The following ZNF823 variants were observed in gnomAD, a reference collection of about 807,000 sequenced individuals.
The protein encoded by ZNF823 is ZFP 36 for a zinc finger protein.
In ZNF823, 5 loss-of-function variants were observed where a neutral mutation model predicts 11.4. The ratio of observed to expected loss-of-function variants is 0.44; its 90% confidence interval spans 0.23 to 0.92. The LOEUF (loss-of-function observed/expected upper bound fraction) is 0.92, where lower values mean the gene tolerates loss of function less well. Among genes scored for constraint, ZNF823 ranks in the 40% least tolerant of loss-of-function variants. ZNF823 has a pLI of 0.24. For missense variants in ZNF823, 582 were observed against 738.5 expected, an observed-to-expected ratio of 0.79 and a Z score of 2.46; for synonymous variants, 234 against 250.5, an observed-to-expected ratio of 0.93 and a Z score of 0.62.
intron 1 of ZNF823, 100 bp from the exon 2 acceptor site, chr19:11,725,427 C>A (rs1348883279): frequency 2.6e-6 from 4 of 1,526,090 alleles, no homozygotes; most frequent in Non-Finnish European, 3.6e-6. Context: ...GGTTTCCAAG[C>A]ATTTATTCGA....
chr19:11,724,561 T>TC (rs1432569212), intron 2 of ZNF823, among the ~76,000 whole-genome samples: 2 of 146,632 alleles, frequency 1.4e-5, no homozygotes, highest in African/African-American at 5.0e-5. Flanking sequence ...TCATCTTTTT[T>TC]TTTTTTTTTT....
At chr19:11,733,157 A>G (rs1242262774) in intron 1 of ZNF823, among the ~76,000 whole-genome samples, 2 of 151,882 alleles carry the variant, frequency 1.3e-5, no homozygotes, top group Non-Finnish European at 2.9e-5. Context: ...TCATGAGGTC[A>G]AGAGATCAAG....
Position 11,737,390 on chromosome 19 carries a change from A to G in ZNF823, c.3+1427T>C, listed in dbSNP as rs553390970. Among the ~76,000 whole-genome samples the G allele has an allele frequency of 3.3e-5, 5 of 152,016 alleles. No homozygotes were observed. In the South Asian group the frequency reaches 1.0e-3, roughly 32 times the overall value. ...GCAATTCTCCTCCCTCAGCCTCCCA[A>G]GTAGCTGGGATTACAGGCATGAGCC... On this transcript the variant is annotated intron_variant, in intron 1 of 3. Transcript: ENST00000341191.
chr19:11,738,201 T>C (rs541541057), intron 1 of ZNF823, among the ~76,000 whole-genome samples: 67 of 152,092 alleles, frequency 4.4e-4, no homozygotes, highest in African/African-American at 1.5e-3. Context: ...CTCTTGAGAG[T>C]TGCTCACGGG....
chr19:11,735,631 C>T (rs898448748), intron 1 of ZNF823, among the ~76,000 whole-genome samples: 3 of 152,118 alleles, frequency 2.0e-5, no homozygotes, highest in African/African-American at 7.2e-5. Flanking sequence ...TCTTCAATGA[C>T]CTCCCTTTGC....
In ZNF823 at chr19:11,725,320, ACT is replaced by A; in HGVS notation, c.9_10del (p.Val4GlyfsTer3). 1.2e-6 allele frequency: 2 copies of A among 1,613,968 alleles called. No homozygotes were observed. Among genetic ancestry groups the A allele is most frequent in the Non-Finnish European group, 1.7e-6 (2 of 1,179,862 alleles). On this transcript the variant is annotated frameshift_variant, in exon 2 of 4. Transcript: ENST00000341191. LOFTEE classifies it high-confidence loss of function. ...GTTCACAGCCACATCTTCAAAGGCC[ACT>A]GAGTCCTGAAACATCCCACATGTGC...
At chr19:11,728,123 C>T (rs1448412087) in intron 1 of ZNF823, among the ~76,000 whole-genome samples, 2 of 152,100 alleles carry the variant, frequency 1.3e-5, no homozygotes, top group Admixed American at 6.6e-5. Flanking sequence ...GTAATCCGCC[C>T]GCCTCGGCCT....
intron 1 of ZNF823, among the ~76,000 whole-genome samples, chr19:11,732,578 CGT>C (rs1398891156): frequency 6.6e-6 from 1 of 151,682 alleles, no homozygotes; most frequent in Non-Finnish European, 1.5e-5. Flanking sequence ...GGATTACAGG[CGT>C]GAGCCACCGC....
At chr19:11,733,482 T>C (rs956577036) in intron 1 of ZNF823, among the ~76,000 whole-genome samples, 2 of 151,826 alleles carry the variant, frequency 1.3e-5, no homozygotes, top group East Asian at 1.9e-4. Flanking sequence ...AGGAGAATCA[T>C]CTGAGGTCAG....
intron 1 of ZNF823, among the ~76,000 whole-genome samples, chr19:11,734,440 T>C (rs1330394737): frequency 6.6e-6 from 1 of 152,170 alleles, no homozygotes; most frequent in Non-Finnish European, 1.5e-5. Flanking sequence ...TGAACAATTC[T>C]GTCTTCACCA....
In ZNF823 at chr19:11,722,658, T is replaced by C. The variant is rs774676818; in HGVS notation, c.876A>G (p.Arg292=). ...GKAFSCYYYT[R]LHERTHTGEQ... ...CTCCCGTGTGAGTCCTTTCATGTAGTCGAGTGTAATAGTAACAGCTGAAGG... is the reference window on the plus strand; with the variant it reads ...CTCCCGTGTGAGTCCTTTCATGTAGCCGAGTGTAATAGTAACAGCTGAAGG... The change falls in exon 4 of 4, where the codon CGA becomes CGG. Residue 292 remains arginine (R), a synonymous_variant. Coordinates refer to ENST00000341191, the MANE Select transcript of ZNF823 (RefSeq NM_001080493.4). The surrounding 1 kb of genome is among the most constrained non-coding windows in gnomAD (Gnocchi z 5.2). 1 of 1,614,014 alleles carries C rather than the reference T, an allele frequency of 6.2e-7. No homozygotes were observed. The highest frequency in any genetic ancestry group is 1.1e-5 in the South Asian group (1 of 91,060).
intron 2 of ZNF823, 34 bp from the exon 3 acceptor site, chr19:11,724,288 G>GT (rs1230160933): frequency 1.3e-6 from 2 of 1,569,052 alleles, no homozygotes; most frequent in African/African-American, 2.8e-5. Flanking sequence ...CACTAAAAAT[G>GT]TTTACAAAAT....
At chr19:11,733,195 C>A (rs578016329) in intron 1 of ZNF823, among the ~76,000 whole-genome samples, 1 of 151,566 alleles carries the variant, frequency 6.6e-6, no homozygotes, top group South Asian at 2.1e-4. Context: ...GGTGAAACCC[C>A]GTCTCTAATA....
chr19:11,725,252 T>A lies in ZNF823; in HGVS notation c.79A>T (p.Ser27Cys). ...EWALLGPSQKSLYRNVMQETI... is the reference protein window; with the variant it reads ...EWALLGPSQKCLYRNVMQETI... ...TCCTGCATGACATTTCTGTAGAGAC[T>A]CTTCTGTGATGGACCCAGCAAAGCC... Residue 27 changes from serine to cysteine, a missense_variant, in exon 2 of 4, where the codon AGT (serine) becomes TGT (cysteine). Around this residue, in one of 3 missense-constraint regions of ZNF823, gnomAD observed 429 missense variants for 553.7 expected, o/e 0.77. Coordinates refer to ENST00000341191, the MANE Select transcript of ZNF823 (RefSeq NM_001080493.4). 6.2e-7 allele frequency: 1 copy of A among 1,614,132 alleles called. No individual in the cohort carries two copies. The highest frequency in any genetic ancestry group is 8.5e-7 in the Non-Finnish European group (1 of 1,180,010).
chr19:11,724,715 C>A (rs1043293515), intron 2 of ZNF823, among the ~76,000 whole-genome samples: 4 of 151,740 alleles, frequency 2.6e-5, no homozygotes, highest in African/African-American at 9.7e-5. Flanking sequence ...TCCGCCATCA[C>A]GCCCGGCTAA....
intron 1 of ZNF823, among the ~76,000 whole-genome samples, chr19:11,737,560 C>CA (rs766863812): frequency 9.1e-6 from 1 of 110,492 alleles, no homozygotes; most frequent in Non-Finnish European, 1.8e-5. Flanking sequence ...CCGCGCCCGG[C>CA]TTTTTTTTTT....
intron 1 of ZNF823, among the ~76,000 whole-genome samples, chr19:11,727,283 G>C (rs977538909): frequency 2.6e-5 from 4 of 151,958 alleles, no homozygotes; most frequent in African/African-American, 9.7e-5. Context: ...GGCCTAGGGG[G>C]GCGGATCAAA....
intron 3 of ZNF823, among the ~76,000 whole-genome samples, chr19:11,723,702 C>T (rs1479423754): frequency 2.0e-5 from 3 of 152,170 alleles, no homozygotes; most frequent in African/African-American, 7.2e-5. Flanking sequence ...TGCGCCACCA[C>T]GCCCTGCTAA....
At chr19:11,724,297 A>G (rs994671946) in intron 2 of ZNF823, 43 bp from the exon 3 acceptor site, 1 of 1,553,340 alleles carries the variant, frequency 6.4e-7, no homozygotes, top group African/African-American at 1.4e-5. Flanking sequence ...TGTTTACAAA[A>G]TTATAGAAAA....
Sources: allele counts gnomAD v4.1 joint callset (sites outside exome capture counted in the v4.1 genomes callset), GRCh38; gene constraint gnomAD v4.1.1; regional missense constraint gnomAD v4.1.1; non-coding constraint Gnocchi (gnomAD v3.1); transcripts MANE v1.5; gene names NCBI Gene and HGNC (gene_info 2026-07-23, HGNC 2026-07-21).